SGCZ: variants seen among roughly 807,000 people sequenced by gnomAD.
SGCZ encodes the protein sarcoglycan zeta, also known as zeta-sarcoglycan.
In SGCZ, 40 loss-of-function variants were observed where a neutral mutation model predicts 41.3. The ratio of observed to expected loss-of-function variants is 0.97; its 90% CI spans 0.75 to 1.26. The LOEUF (loss-of-function observed/expected upper bound fraction) is 1.26, where lower values mean the gene tolerates loss of function less well. Among genes scored for constraint, SGCZ ranks in the 50% most tolerant of loss-of-function variants. SGCZ has a pLI of 0.00. For synonymous variants in SGCZ, 206 were observed against 137.5 expected (o/e 1.50, Z -3.49); for missense variants, 552 against 369.8 (o/e 1.49, Z -4.04).
intron 5 of SGCZ, among the ~76,000 whole-genome samples, chr8:14,127,550 G>T (rs1024783923): frequency 6.6e-6 from 1 of 152,044 alleles, no homozygotes; most frequent in Non-Finnish European, 1.5e-5. Flanking sequence ...CCGCCTCCCG[G>T]GTTCATGCCA....
chr8:14,421,206 A>G lies in SGCZ; in HGVS notation c.235-97002T>C, dbSNP rs77982972. Among the ~76,000 whole-genome samples the G allele has an allele frequency of 6.6e-3, 998 of 152,186 alleles. 9 individuals carry two copies. Among genetic ancestry groups the G allele is most frequent in the Middle Eastern group, 0.024 (7 of 294 alleles). ...CATGGAATTGTATCATAAATACCAA[A>G]AAGGTAAGGGGCTATTGATCTCATG... On this transcript the variant is annotated intron_variant, in intron 2 of 7. Coordinates refer to ENST00000382080, the MANE Select transcript of SGCZ (RefSeq NM_139167.4).
intron 1 of SGCZ, among the ~76,000 whole-genome samples, chr8:14,800,608 G>C (rs946189864): frequency 1.3e-5 from 2 of 152,056 alleles, no homozygotes; most frequent in African/African-American, 4.8e-5. Context: ...AGGAGATCTG[G>C]TTCTTTGAAA....
intron 1 of SGCZ, among the ~76,000 whole-genome samples, chr8:14,880,877 C>G (rs1452132360): frequency 2.0e-5 from 3 of 151,866 alleles, no homozygotes; most frequent in African/African-American, 7.3e-5. Context: ...ATGGGTGCAG[C>G]ACATCAACAT....
chr8:14,619,121 C>G lies in SGCZ; in HGVS notation c.40-64195G>C, dbSNP rs558431061. Among the ~76,000 whole-genome samples the G allele has an allele frequency of 9.2e-5, 14 of 152,240 alleles. No individual in the cohort carries two copies. The South Asian group carries it at 2.5e-3, about 27-fold the overall frequency. ...AATTTATAAAGAAATCCCTGGGATGCAAGGCTGGTTCAACATATGCAAATC... is the reference window on the plus strand; with the variant it reads ...AATTTATAAAGAAATCCCTGGGATGGAAGGCTGGTTCAACATATGCAAATC... On this transcript the variant is annotated intron_variant, in intron 1 of 7. Coordinates refer to ENST00000382080, the MANE Select transcript of SGCZ (RefSeq NM_139167.4).
Position 14,829,233 on chromosome 8 carries a change from C to T in SGCZ, c.40-274307G>A, listed in dbSNP as rs56315816. 5.7e-3 allele frequency among the ~76,000 whole-genome samples: 864 copies of T among 151,918 alleles called. 7 individuals carry two copies. The highest frequency in any genetic ancestry group is 0.024 in the Middle Eastern group (7 of 292). ...GATAGGCCCCAGTGCATATTGTTGC[C>T]GTCTATATATCCATGTGTTCTCAAC... On this transcript the variant is annotated intron_variant, in intron 1 of 7. Coordinates refer to ENST00000382080, the MANE Select transcript of SGCZ (RefSeq NM_139167.4).
At chr8:14,491,036 A>G (rs1480338858) in intron 2 of SGCZ, among the ~76,000 whole-genome samples, 1 of 152,174 alleles carries the variant, frequency 6.6e-6, no homozygotes, top group African/African-American at 2.4e-5. Flanking sequence ...CATTTCATTT[A>G]TTTTGTTATG....
intron 1 of SGCZ, among the ~76,000 whole-genome samples, chr8:14,594,378 C>T (rs116974466): frequency 7.3e-5 from 11 of 151,686 alleles, no homozygotes; most frequent in Non-Finnish European, 1.3e-4. Flanking sequence ...TAAAAAAAAA[C>T]ATGAAAACTG....
At chr8:14,188,883 G>A (rs1214724032) in intron 4 of SGCZ, among the ~76,000 whole-genome samples, 2 of 147,266 alleles carry the variant, frequency 1.4e-5, no homozygotes, top group African/African-American at 5.0e-5. Flanking sequence ...CCAGGCTGGA[G>A]TGCAATGGCA....
rs1455431983 is a variant in SGCZ at position 14,785,843 on chromosome 8, G to A, written c.40-230917C>T. Among the ~76,000 whole-genome samples, 2 of 151,794 alleles carry A rather than the reference G, an allele frequency of 1.3e-5. 1 individual carries two copies. The highest frequency in any genetic ancestry group is 6.8e-3 in the Middle Eastern group (2 of 294). On this transcript the variant is annotated intron_variant, in intron 1 of 7. Coordinates refer to ENST00000382080, the MANE Select transcript of SGCZ (RefSeq NM_139167.4). Reference sequence around the variant, plus strand: ...TCTCATATTCATTTTTACTTTCACAGAGTTTCTTACTTTCTCCCAAGGCTA... The same window carrying A: ...TCTCATATTCATTTTTACTTTCACAAAGTTTCTTACTTTCTCCCAAGGCTA...
At chr8:15,146,962 TGC>T in intron 1 of SGCZ, among the ~76,000 whole-genome samples, 1 of 152,270 alleles carries the variant, frequency 6.6e-6, no homozygotes, top group South Asian at 2.1e-4. Context: ...AAAAGTAAAA[TGC>T]CAAGTATCTT....
At chr8:14,389,431 G>T (rs1804682328) in intron 2 of SGCZ, among the ~76,000 whole-genome samples, 1 of 150,296 alleles carries the variant, frequency 6.7e-6, no homozygotes, top group Admixed American at 6.6e-5. Context: ...TGCTGAAACT[G>T]CTAAACATGA....
intron 3 of SGCZ, among the ~76,000 whole-genome samples, chr8:14,306,916 T>A (rs1187475728): frequency 6.6e-6 from 1 of 152,234 alleles, no homozygotes; most frequent in Non-Finnish European, 1.5e-5. Context: ...CAGAAAATGA[T>A]ACTTTATAGC....
intron 1 of SGCZ, among the ~76,000 whole-genome samples, chr8:15,147,763 C>G (rs568027980): frequency 6.6e-6 from 1 of 152,270 alleles, no homozygotes; most frequent in East Asian, 1.9e-4. Flanking sequence ...GAGAAGGACA[C>G]AGTTCACACT....
intron 2 of SGCZ, among the ~76,000 whole-genome samples, chr8:14,523,704 T>C (rs572737968): frequency 6.0e-4 from 92 of 152,134 alleles, no homozygotes; most frequent in Non-Finnish European, 1.1e-3. Context: ...TATGTAAGTA[T>C]ATGTTTTTTG....
rs151029231 is a variant in SGCZ at position 14,703,096 on chromosome 8, G to C, written c.40-148170C>G. 4.8e-3 allele frequency among the ~76,000 whole-genome samples: 723 copies of C among 152,006 alleles called. 6 individuals carry two copies. The highest frequency in any genetic ancestry group is 8.6e-3 in the Non-Finnish European group (586 of 67,920). Reference sequence around the variant, plus strand: ...ACTTGTTTCCAATAGTACATTGTAAGAGCAATTAATATATTCTTTTAAAGA... The same window carrying C: ...ACTTGTTTCCAATAGTACATTGTAACAGCAATTAATATATTCTTTTAAAGA... On this transcript the variant is annotated intron_variant, in intron 1 of 7. Transcript: ENST00000382080.
At chr8:14,779,663 G>A (rs2130429307) in intron 1 of SGCZ, among the ~76,000 whole-genome samples, 1 of 152,288 alleles carries the variant, frequency 6.6e-6, no homozygotes, top group East Asian at 1.9e-4. Context: ...TCTTTAACGT[G>A]CATAGGTATT....
chr8:14,406,954 T>C (rs6991066), intron 2 of SGCZ, among the ~76,000 whole-genome samples: 17,357 of 152,154 alleles, frequency 0.11, 2,007 homozygotes, highest in African/African-American at 0.3. Flanking sequence ...TTTAGAATTC[T>C]TTCACGGGTG....
chr8:14,749,909 T>C (rs1024935158), intron 1 of SGCZ, among the ~76,000 whole-genome samples: 5 of 152,108 alleles, frequency 3.3e-5, no homozygotes, highest in Admixed American at 1.3e-4. Context: ...AAGAATATTA[T>C]GTACAAAAAA....
intron 2 of SGCZ, among the ~76,000 whole-genome samples, chr8:14,357,866 C>A (rs915730928): frequency 2.0e-5 from 3 of 152,194 alleles, no homozygotes; most frequent in African/African-American, 7.2e-5. Context: ...CAGTCGACCA[C>A]TGTACCCTGC....
Sources: allele counts gnomAD v4.1 joint callset (sites outside exome capture counted in the v4.1 genomes callset), GRCh38; gene constraint gnomAD v4.1.1; transcripts MANE v1.5; gene names NCBI Gene and HGNC (gene_info 2026-07-23, HGNC 2026-07-21).